SAPCD2: variants seen among roughly 807,000 people sequenced by gnomAD.
SAPCD2 encodes suppressor APC domain containing 2.
A neutral mutation model predicts 37.8 loss-of-function variants in SAPCD2; 34 were observed. The ratio of observed to expected loss-of-function variants is 0.90; its 90% confidence interval spans 0.68 to 1.20. The LOEUF (loss-of-function observed/expected upper bound fraction) is 1.20. Among genes scored for constraint, SAPCD2 ranks in the 50% most tolerant of loss-of-function variants. The pLI is 0.00. For missense variants in SAPCD2, 572 were observed against 584.7 expected (o/e 0.98, Z 0.22); for synonymous variants, 275 against 270.3 (o/e 1.02, Z -0.17).
intron 1 of SAPCD2, 146 bp downstream of exon 1, chr9:137,069,744 G>A (rs1832596960): frequency 3.7e-6 from 2 of 547,064 alleles, no homozygotes; most frequent in Non-Finnish European, 5.4e-6. Context: ...ACCCGCCGAG[G>A]CGCCCTCCAG....
Position 137,064,982 on chromosome 9 carries a change from G to A in SAPCD2, c.940-3C>T, listed in dbSNP as rs1344799027. 2 of 1,510,652 alleles carry A rather than the reference G, an allele frequency of 1.3e-6. No homozygotes were observed. Among genetic ancestry groups the A allele is most frequent in the South Asian group, 1.2e-5 (1 of 82,816 alleles). The allele number at this position is 1,510,652 out of a possible 1,614,324, so 93.6% of individuals were successfully genotyped here. A position where few individuals can be genotyped will look rare whatever the true frequency, so the allele number is the denominator to read the frequency against. Reference sequence around the variant, plus strand: ...CCGGAGGAGGACGGGGGCAGGGCCTGCGGGAGGGCAGGATTAGGCAGGCCT... The same window carrying A: ...CCGGAGGAGGACGGGGGCAGGGCCTACGGGAGGGCAGGATTAGGCAGGCCT... On this transcript the variant is annotated splice_polypyrimidine_tract_variant and splice_region_variant and intron_variant, in intron 4 of 5. Transcript: ENST00000409687.
In SAPCD2 at chr9:137,062,679, C is replaced by G. The variant is rs1016941634; in HGVS notation, c.*1980G>C. ...GACCCGCCCAGCGTCCTAGGGCAGG[C>G]TCCAGGCAGGGTCTGCATGTGCCTC... On this transcript the variant is annotated 3_prime_UTR_variant, in exon 6 of 6. Transcript: ENST00000409687. The G allele has an allele frequency of 1.4e-4, 22 of 152,264 alleles. No individual in the cohort carries two copies. The highest frequency in any genetic ancestry group is 4.8e-4 in the African/African-American group (20 of 41,472). The allele number at this position is 152,264 out of a possible 1,614,324, so 9.4% of individuals were successfully genotyped here.
intron 2 of SAPCD2, 55 bp from the exon 3 acceptor site, chr9:137,065,723 C>T (rs562234975): frequency 1.3e-6 from 2 of 1,549,842 alleles, no homozygotes; most frequent in South Asian, 1.2e-5. Context: ...CGCACACGTC[C>T]ACACATGCAT....
chr9:137,069,939 G>A lies in SAPCD2; in HGVS notation c.522C>T (p.Pro174=), dbSNP rs1335618560. The A allele has an allele frequency of 4.7e-6, 6 of 1,268,854 alleles. No individual in the cohort carries two copies. Among genetic ancestry groups the A allele is most frequent in the Non-Finnish European group, 6.0e-6 (6 of 1,008,072 alleles). 78.6% of individuals were successfully genotyped at this position (1,268,854 alleles called of 1,614,324 possible). Residue 174 remains proline, a synonymous_variant, in exon 1 of 6, where the codon CCC becomes CCT. Coordinates refer to ENST00000409687, the MANE Select transcript of SAPCD2 (RefSeq NM_178448.4). ...PAEAAPCPAE[P]ERSQSAALEP... ...CCAGCGCCGCGCTCTGGGACCGCTC[G>A]GGCTCCGCGGGGCAGGGCGCCGCCT...
chr9:137,062,861 G>A lies in SAPCD2; in HGVS notation c.*1798C>T, dbSNP rs559945223. The A allele has an allele frequency of 6.6e-6, 1 of 152,356 alleles. No homozygotes were observed. The highest frequency in any genetic ancestry group is 6.5e-5 in the Admixed American group (1 of 15,312). 9.4% of individuals were successfully genotyped at this position (152,356 alleles called of 1,614,324 possible). A position where few individuals can be genotyped will look rare whatever the true frequency, so the allele number is the denominator to read the frequency against. The stretch of plus-strand genomic sequence containing the variant: ...AGGCTGAAAGGCAGTTTTTCCGGAG[G>A]TGCCAGCCTGTCTCACATTTCCGCT... On this transcript the variant is annotated 3_prime_UTR_variant, in exon 6 of 6. Coordinates refer to ENST00000409687, the MANE Select transcript of SAPCD2 (RefSeq NM_178448.4).
rs894821988 is a variant in SAPCD2, at chr9:137,070,439, C to A, written c.22G>T (p.Glu8Ter). The stretch of plus-strand genomic sequence containing the variant: ...GCGGGGGGAGGCACGCGGCCCCGCT[C>A]GGCCATGGCGGCCCCGGCCATGGGC... MAGAAMA[E>*]RGRVPPPAPA... Residue 8 changes from glutamate to a stop codon, truncating the protein, a stop_gained, in exon 1 of 6, where the codon GAG becomes TAG. Coordinates refer to ENST00000409687, the MANE Select transcript of SAPCD2 (RefSeq NM_178448.4). LOFTEE classifies it high-confidence loss of function. 6 of 1,247,488 alleles carry A rather than the reference C, an allele frequency of 4.8e-6. No homozygotes were observed. Among genetic ancestry groups the A allele is most frequent in the South Asian group, 3.1e-5 (1 of 32,226 alleles). 77.3% of individuals were successfully genotyped at this position (1,247,488 alleles called of 1,614,324 possible).
chr9:137,066,004 C>G (rs1417884057), intron 2 of SAPCD2, among the ~76,000 whole-genome samples: 1 of 152,200 alleles, frequency 6.6e-6, no homozygotes. Context: ...AGCTGGGAAG[C>G]CAGACTGGCT....
At chr9:137,065,018 G>A (rs751966399) in intron 4 of SAPCD2, 39 bp from the exon 5 acceptor site, 69 of 1,488,230 alleles carry the variant, frequency 4.6e-5, no homozygotes, top group South Asian at 2.5e-4. Flanking sequence ...GGACGAGGGC[G>A]GGGAAGCACT....
chr9:137,067,821 G>A (rs1040665767), intron 1 of SAPCD2, among the ~76,000 whole-genome samples: 5 of 135,990 alleles, frequency 3.7e-5, no homozygotes, highest in African/African-American at 1.1e-4. Flanking sequence ...TGTGTGATAC[G>A]CCAGGCGGTG....
chr9:137,067,687 T>C (rs1177637304), intron 1 of SAPCD2, among the ~76,000 whole-genome samples: 6 of 139,772 alleles, frequency 4.3e-5, no homozygotes, highest in Non-Finnish European at 7.5e-5. Flanking sequence ...AGCAGGAGGA[T>C]CGCTTGAACC....
intron 1 of SAPCD2, among the ~76,000 whole-genome samples, chr9:137,069,136 C>T (rs77833140): frequency 1.3e-5 from 2 of 152,362 alleles, no homozygotes; most frequent in African/African-American, 2.4e-5. Context: ...CTTGGCCCCC[C>T]AACCCCAGCC....
In SAPCD2 at chr9:137,064,362, G is replaced by T. The variant is rs1480008418; in HGVS notation, c.*297C>A. On this transcript the variant is annotated 3_prime_UTR_variant, in exon 6 of 6. Transcript: ENST00000409687. ...AAACGGGGGGACGCTAACTCATGGA[G>T]GGGTACCCCACTGTCCACTGACAGC... The T allele has an allele frequency of 2.1e-6, 1 of 483,802 alleles. No homozygotes were observed. Among genetic ancestry groups the T allele is most frequent in the Non-Finnish European group, 3.8e-6 (1 of 266,502 alleles). The allele number at this position is 483,802 out of a possible 1,614,324, so 30.0% of individuals were successfully genotyped here. A position where few individuals can be genotyped will look rare whatever the true frequency, so the allele number is the denominator to read the frequency against.
chr9:137,068,420 C>T (rs1384160261), intron 1 of SAPCD2, among the ~76,000 whole-genome samples: 1 of 152,234 alleles, frequency 6.6e-6, no homozygotes, highest in African/African-American at 2.4e-5. Flanking sequence ...GGGCCCTGAG[C>T]CAGCAGGCCA....
chr9:137,065,327 G>T lies in SAPCD2; in HGVS notation c.832-142C>A, dbSNP rs1056005439. The T allele has an allele frequency of 3.3e-6, 3 of 920,802 alleles. No individual in the cohort carries two copies. In the African/African-American group the frequency reaches 5.0e-5, roughly 15 times the overall value. 57.0% of individuals were successfully genotyped at this position (920,802 alleles called of 1,614,324 possible). Reference sequence around the variant, plus strand: ...AGAGGGTCCCAGGGGCATTGCTGAGGTGGGAGGTCTGCCCAAGACACCTTA... The same window carrying T: ...AGAGGGTCCCAGGGGCATTGCTGAGTTGGGAGGTCTGCCCAAGACACCTTA... On this transcript the variant is annotated intron_variant, in intron 3 of 5. Coordinates refer to ENST00000409687, the MANE Select transcript of SAPCD2 (RefSeq NM_178448.4).
rs1832475537 is a variant in SAPCD2 at position 137,062,560 on chromosome 9, A to C, written c.*2099T>G. Reference sequence around the variant, plus strand: ...ACATCCTGAGACATTTCCGGGTGTCATCACAGTGTGCACGCACGTGTATGT... The same window carrying C: ...ACATCCTGAGACATTTCCGGGTGTCCTCACAGTGTGCACGCACGTGTATGT... On this transcript the variant is annotated 3_prime_UTR_variant, in exon 6 of 6. Transcript: ENST00000409687. 1 of 152,250 alleles carries C rather than the reference A, an allele frequency of 6.6e-6. No homozygotes were observed. The highest frequency in any genetic ancestry group is 2.1e-4 in the South Asian group (1 of 4,836). The allele number at this position is 152,250 out of a possible 1,614,324, so 9.4% of individuals were successfully genotyped here.
Position 137,070,268 on chromosome 9 carries a change from G to A in SAPCD2, c.193C>T (p.Pro65Ser). 3.4e-6 allele frequency: 5 copies of A among 1,453,380 alleles called. No individual in the cohort carries two copies. The highest frequency in any genetic ancestry group is 4.5e-6 in the Non-Finnish European group (5 of 1,104,356). 90.0% of individuals were successfully genotyped at this position (1,453,380 alleles called of 1,614,324 possible). ...CGCAAGCCCTCCAGCACCCCGCGGG[G>A]CAGCTCCCGCGCGTCGGTGCCCTGC... Reference protein sequence around the residue: ...RWQGTDARELPRGVLEGLRQV... With the variant: ...RWQGTDARELSRGVLEGLRQV... Residue 65 changes from proline (P) to serine (S), a missense_variant, in exon 1 of 6, where the codon CCC becomes TCC. Physicochemically the swap from Pro to Ser is moderately conservative, Grantham distance 74. Coordinates refer to ENST00000409687, the MANE Select transcript of SAPCD2 (RefSeq NM_178448.4).
In SAPCD2 at chr9:137,069,693, C is replaced by T. The variant is rs532355863; in HGVS notation, c.571+197G>A. On this transcript the variant is annotated intron_variant, in intron 1 of 5. Coordinates refer to ENST00000409687, the MANE Select transcript of SAPCD2 (RefSeq NM_178448.4). ...TCTGGCTTGCCTCCCTAAGCAAGCC[C>T]CTGGGCTCACCGCGACAAGCATGAA... 9.2e-4 allele frequency among the ~76,000 whole-genome samples: 140 copies of T among 152,338 alleles called. 1 individual carries two copies. The highest frequency in any genetic ancestry group is 3.3e-3 in the African/African-American group (136 of 41,578).
chr9:137,066,365 G>A lies in SAPCD2; in HGVS notation c.581C>T (p.Ala194Val), dbSNP rs113090012. 88 of 1,602,264 alleles carry A rather than the reference G, an allele frequency of 5.5e-5. No individual in the cohort carries two copies. In the African/African-American group the frequency reaches 7.5e-4, roughly 14 times the overall value. Residue 194 changes from alanine to valine, a missense_variant, in exon 2 of 6, where the codon GCG becomes GTG. Physicochemically the swap from Ala to Val is moderately conservative, Grantham distance 64. Coordinates refer to ENST00000409687, the MANE Select transcript of SAPCD2 (RefSeq NM_178448.4). ...TGAGTCCGCCTCCAGGGCCCTGCACGCCACTGCACCTGTTATGGAGAGGCA... is the reference window on the plus strand; with the variant it reads ...TGAGTCCGCCTCCAGGGCCCTGCACACCACTGCACCTGTTATGGAGAGGCA... ...PSSSADAGAV[A>V]CRALEADSGD...
rs767529535 is a variant in SAPCD2, at chr9:137,065,664, T to C, written c.689A>G (p.Lys230Arg). The C allele has an allele frequency of 3.1e-6, 5 of 1,602,694 alleles. No homozygotes were observed. The highest frequency in any genetic ancestry group is 4.3e-6 in the Non-Finnish European group (5 of 1,172,248). The change falls in exon 3 of 6, where the codon AAG (lysine) becomes AGG (arginine). Residue 230 changes from lysine (K) to arginine (R), a missense_variant. By Grantham distance (26) the Lys-to-Arg change is conservative (BLOSUM62 2). Coordinates refer to ENST00000409687, the MANE Select transcript of SAPCD2 (RefSeq NM_178448.4). ...CTCCTGCTCCAGCTCCTTCATCTGC[T>C]TCAGCTGCAATACGTGCATTTACAT... ...IASGVDCGLL[K>R]QMKELEQEKE... is the part of the protein sequence containing the mutation.
Sources: allele counts gnomAD v4.1 joint callset (sites outside exome capture counted in the v4.1 genomes callset), GRCh38; gene constraint gnomAD v4.1.1; transcripts MANE v1.5; gene names NCBI Gene and HGNC (gene_info 2026-07-23, HGNC 2026-07-21).